AFF2: variants seen among roughly 807,000 people sequenced by gnomAD.
The protein encoded by AFF2 is ALF transcription elongation factor 2, also known as AF4/FMR2 family member 2.
Under a neutral mutation model 76.9 loss-of-function variants are expected in AFF2, and 14 were observed. That is an observed-to-expected ratio of 0.18 (90% CI 0.12 to 0.28). AFF2 has a LOEUF of 0.28. Ranked by LOEUF, AFF2 falls within the 10% of genes least tolerant of loss-of-function variation. AFF2 has a pLI of 1.00. For missense variants in AFF2, 868 were observed against 1,001.1 expected (o/e 0.87, Z 1.79); for synonymous variants, 398 against 366.7 (o/e 1.09, Z -0.98).
chrX:148,626,593 G>T (rs1486857625), intron 1 of AFF2, among the ~76,000 whole-genome samples: 1 of 110,432 alleles, frequency 9.1e-6, no homozygotes, highest in Non-Finnish European at 1.9e-5. Flanking sequence ...TAAAATCAAG[G>T]TGTCCAGGGC....
chrX:148,620,423 CT>C (rs2053854760), intron 1 of AFF2, among the ~76,000 whole-genome samples: 1 of 110,967 alleles, frequency 9.0e-6, no homozygotes, highest in Non-Finnish European at 1.9e-5. Context: ...AAAAATATAT[CT>C]TAATTCATTC....
chrX:148,834,504 GAT>G (rs2070495569), intron 4 of AFF2, among the ~76,000 whole-genome samples: 1 of 67,646 alleles, frequency 1.5e-5, no homozygotes, highest in African/African-American at 5.5e-5. Flanking sequence ...ACCAGTCTCA[GAT>G]GTGTGTGTGT....
intron 12 of AFF2, among the ~76,000 whole-genome samples, chrX:148,960,760 T>TCCTGGACCTCC (rs1291391174): frequency 8.9e-6 from 1 of 112,132 alleles, no homozygotes; most frequent in Non-Finnish European, 1.9e-5. Context: ...AGAAGGACTC[T>TCCTGGACCTCC]CCTGGACCTC....
intron 1 of AFF2, among the ~76,000 whole-genome samples, chrX:148,610,941 G>C (rs1273598500): frequency 8.9e-6 from 1 of 111,834 alleles, no homozygotes; most frequent in African/African-American, 3.2e-5. Flanking sequence ...AAGCTAAGGA[G>C]GAAACAACAC....
At chrX:148,750,777 A>G (rs1422907588) in intron 3 of AFF2, among the ~76,000 whole-genome samples, 8 of 112,088 alleles carry the variant, frequency 7.1e-5, no homozygotes, top group Admixed American at 2.8e-4. Flanking sequence ...GAGATGGTGA[A>G]ACTGGAGAAC....
At position 148,956,416 on chromosome X, in the gene AFF2, C is replaced by T; in HGVS notation, c.2371C>T (p.Pro791Ser). Residue 791 changes from proline (P) to serine (S), a missense_variant, in exon 11 of 21, where the codon CCT becomes TCT. Pro to Ser is a moderately conservative substitution (Grantham distance 74, BLOSUM62 -1). Coordinates refer to ENST00000370460, the MANE Select transcript of AFF2 (RefSeq NM_002025.4). ...TGTCATGCAAACTGAAATCCTGTCC[C>T]CTCTGCGAGATCATGAGAACCTGAA... The part of the protein sequence containing the change: ...IPVMQTEILS[P>S]LRDHENLKNL... 1 of 1,211,283 alleles carries T rather than the reference C, an allele frequency of 8.3e-7. No homozygotes were observed. The highest frequency in any genetic ancestry group is 1.1e-6 in the Non-Finnish European group (1 of 895,242).
intron 1 of AFF2, among the ~76,000 whole-genome samples, chrX:148,634,909 A>G (rs1212613349): frequency 1.8e-5 from 2 of 111,688 alleles, no homozygotes; most frequent in African/African-American, 6.5e-5. Context: ...GAGAAGAGAC[A>G]TTTGAAAGTT....
intron 3 of AFF2, among the ~76,000 whole-genome samples, chrX:148,776,016 C>T (rs1369565472): frequency 9.0e-6 from 1 of 110,546 alleles, no homozygotes; most frequent in Non-Finnish European, 1.9e-5. Flanking sequence ...CCTTGCCCCC[C>T]ACACCCCAAC....
intron 9 of AFF2, among the ~76,000 whole-genome samples, chrX:148,926,607 A>T (rs182894106): frequency 1.8e-5 from 2 of 112,120 alleles, no homozygotes; most frequent in Non-Finnish European, 3.8e-5. Context: ...GACACAGCAT[A>T]TGGAGAATAC....
chrX:148,518,135 G>A (rs1478639418), intron 1 of AFF2, among the ~76,000 whole-genome samples: 1 of 111,832 alleles, frequency 8.9e-6, no homozygotes. Context: ...TAAATATTGC[G>A]TTTAGAATTG....
intron 3 of AFF2, among the ~76,000 whole-genome samples, chrX:148,739,431 T>C (rs1260810249): frequency 3.6e-5 from 4 of 111,792 alleles, no homozygotes; most frequent in Non-Finnish European, 7.5e-5. Flanking sequence ...ATTCTAAGTA[T>C]AGCTACCCCC....
intron 7 of AFF2, among the ~76,000 whole-genome samples, chrX:148,879,757 T>G (rs1224889675): frequency 2.4e-5 from 2 of 83,064 alleles, no homozygotes; most frequent in Non-Finnish European, 4.7e-5. Context: ...TTCTTTTGAT[T>G]TTTTTACACA....
At chrX:148,598,883 A>G (rs1464321392) in intron 1 of AFF2, among the ~76,000 whole-genome samples, 1 of 112,873 alleles carries the variant, frequency 8.9e-6, no homozygotes, top group East Asian at 2.8e-4. Flanking sequence ...TATCTGATTT[A>G]TGCCTAAAAC....
At chrX:148,599,318 G>A (rs1288549069) in intron 1 of AFF2, among the ~76,000 whole-genome samples, 1 of 112,012 alleles carries the variant, frequency 8.9e-6, no homozygotes, top group Non-Finnish European at 1.9e-5. Context: ...AAAACAACTG[G>A]ACATCAGATT....
intron 3 of AFF2, among the ~76,000 whole-genome samples, chrX:148,757,802 C>T (rs782244528): frequency 1.2e-4 from 13 of 111,688 alleles, no homozygotes; most frequent in African/African-American, 4.2e-4. Flanking sequence ...TATTTTTGTT[C>T]TTATGCTTTA....
At chrX:148,597,309 C>T (rs1291008573) in intron 1 of AFF2, among the ~76,000 whole-genome samples, 1 of 110,866 alleles carries the variant, frequency 9.0e-6, no homozygotes, top group Non-Finnish European at 1.9e-5. Context: ...CTCAAAAAGC[C>T]CAGTGAGCTG....
intron 3 of AFF2, among the ~76,000 whole-genome samples, chrX:148,713,669 G>C (rs1462525163): frequency 8.9e-6 from 1 of 111,754 alleles, no homozygotes. Flanking sequence ...CCATTGGCAG[G>C]AATAAACTTG....
intron 3 of AFF2, among the ~76,000 whole-genome samples, chrX:148,785,956 G>A (rs5936435): frequency 0.58 from 64,500 of 110,398 alleles, 16,040 homozygotes; most frequent in East Asian, 0.92. Context: ...GACTCACTTC[G>A]TACCCAGGTC....
intron 3 of AFF2, among the ~76,000 whole-genome samples, chrX:148,755,681 C>T (rs573872129): frequency 2.1e-4 from 24 of 112,045 alleles, no homozygotes; most frequent in East Asian, 5.6e-4. Context: ...AATTATCATA[C>T]GGTAAAATAT....
Sources: allele counts gnomAD v4.1 joint callset (sites outside exome capture counted in the v4.1 genomes callset), GRCh38; gene constraint gnomAD v4.1.1; transcripts MANE v1.5; gene names NCBI Gene and HGNC (gene_info 2026-07-23, HGNC 2026-07-21).